SSBP2: variants seen among roughly 807,000 people sequenced by gnomAD.
The protein encoded by SSBP2 is single-stranded DNA-binding protein 2.
In SSBP2, 17 loss-of-function variants were observed where a neutral mutation model predicts 61.8. The ratio of observed to expected loss-of-function variants is 0.28; its 90% CI spans 0.19 to 0.41. The LOEUF (loss-of-function observed/expected upper bound fraction) is 0.41. Among genes scored for constraint, SSBP2 ranks in the 10% least tolerant of loss-of-function variants. SSBP2 has a pLI of 1.00. For synonymous variants in SSBP2, 139 were observed against 141.3 expected (o/e 0.98, Z 0.12); for missense variants, 310 against 458.7 (o/e 0.68, Z 2.96).
chr5:81,587,340 C>T (rs1775131073), intron 4 of SSBP2, among the ~76,000 whole-genome samples: 1 of 151,948 alleles, frequency 6.6e-6, no homozygotes, highest in Non-Finnish European at 1.5e-5. Flanking sequence ...TCTTTGTGTG[C>T]AAAATGGCAA....
At chr5:81,739,537 A>G (rs114196095) in intron 1 of SSBP2, among the ~76,000 whole-genome samples, 1,893 of 152,298 alleles carry the variant, frequency 0.012, 40 homozygotes, top group African/African-American at 0.043. Context: ...GTAGTGGCTG[A>G]TAGTGAGGCC....
At chr5:81,506,052 C>A (rs1015361023) in intron 5 of SSBP2, among the ~76,000 whole-genome samples, 1 of 152,062 alleles carries the variant, frequency 6.6e-6, no homozygotes, top group African/African-American at 2.4e-5. Context: ...TCAAGCTGGG[C>A]AGTTTTAATT....
intron 5 of SSBP2, among the ~76,000 whole-genome samples, chr5:81,506,818 A>ATATATATATAT (rs1768215887): frequency 6.6e-6 from 1 of 152,130 alleles, no homozygotes; most frequent in Non-Finnish European, 1.5e-5. Flanking sequence ...ACATTTAACC[A>ATATATATATAT]GGACTTATAA....
At chr5:81,551,295 A>C (rs979813671) in intron 4 of SSBP2, among the ~76,000 whole-genome samples, 1 of 152,100 alleles carries the variant, frequency 6.6e-6, no homozygotes, top group African/African-American at 2.4e-5. Context: ...TCTTAAGTAT[A>C]TGTATCTGCT....
intron 4 of SSBP2, among the ~76,000 whole-genome samples, chr5:81,549,848 G>A (rs375384867): frequency 3.3e-5 from 5 of 152,164 alleles, no homozygotes; most frequent in Non-Finnish European, 5.9e-5. Flanking sequence ...ATCATTTATC[G>A]ACTGCCTGTT....
chr5:81,719,473 T>G (rs952551695), intron 1 of SSBP2, among the ~76,000 whole-genome samples: 1 of 152,026 alleles, frequency 6.6e-6, no homozygotes, highest in African/African-American at 2.4e-5. Flanking sequence ...GGAATCACTG[T>G]GGGTGCCCAA....
intron 4 of SSBP2, among the ~76,000 whole-genome samples, chr5:81,609,412 T>C (rs1032839950): frequency 6.6e-6 from 1 of 152,184 alleles, no homozygotes; most frequent in Non-Finnish European, 1.5e-5. Flanking sequence ...ACCTATACAG[T>C]ATAGGGTTAT....
chr5:81,649,977 A>G (rs1749589743), intron 2 of SSBP2, among the ~76,000 whole-genome samples: 1 of 152,112 alleles, frequency 6.6e-6, no homozygotes, highest in East Asian at 1.9e-4. Context: ...CAAATTTTTT[A>G]GAGTAAATTT....
intron 4 of SSBP2, among the ~76,000 whole-genome samples, chr5:81,587,936 A>T (rs888009200): frequency 6.6e-6 from 1 of 152,120 alleles, no homozygotes; most frequent in Non-Finnish European, 1.5e-5. Context: ...TCTTAGTGCA[A>T]AACATCTTGG....
intron 4 of SSBP2, among the ~76,000 whole-genome samples, chr5:81,542,058 T>TA (rs1771315254): frequency 1.3e-5 from 2 of 151,948 alleles, no homozygotes. Flanking sequence ...GTAAGGACCT[T>TA]AAATGAACAA....
chr5:81,461,271 A>C (rs180836496), intron 9 of SSBP2, among the ~76,000 whole-genome samples, 168 bp from the exon 10 acceptor site: 57 of 152,124 alleles, frequency 3.7e-4, no homozygotes, highest in South Asian at 2.5e-3. Context: ...TATATTAATT[A>C]AGTCCCCCAA....
chr5:81,670,377 A>G (rs1165815287), intron 1 of SSBP2, among the ~76,000 whole-genome samples: 3 of 152,140 alleles, frequency 2.0e-5, no homozygotes, highest in Non-Finnish European at 4.4e-5. Flanking sequence ...CTACTCCTCT[A>G]TGCTTTTCTA....
intron 4 of SSBP2, among the ~76,000 whole-genome samples, chr5:81,595,950 C>G (rs1743698586): frequency 6.6e-6 from 1 of 152,190 alleles, no homozygotes; most frequent in Non-Finnish European, 1.5e-5. Flanking sequence ...TGGCACAAGA[C>G]AGGGATGCCC....
chr5:81,484,207 T>C (rs1414677573), intron 6 of SSBP2, among the ~76,000 whole-genome samples: 1 of 152,208 alleles, frequency 6.6e-6, no homozygotes, highest in East Asian at 1.9e-4. Flanking sequence ...ATTCTATGTA[T>C]TGACTTATCC....
At chr5:81,638,514 G>A (rs1290091379) in intron 2 of SSBP2, among the ~76,000 whole-genome samples, 9 of 149,388 alleles carry the variant, frequency 6.0e-5, no homozygotes, top group Non-Finnish European at 1.2e-4. Flanking sequence ...GCAAGACTCC[G>A]TCTCAGAGGG....
chr5:81,571,364 T>C (rs1773828737), intron 4 of SSBP2, among the ~76,000 whole-genome samples: 1 of 152,186 alleles, frequency 6.6e-6, no homozygotes, highest in Non-Finnish European at 1.5e-5. Context: ...TGGGCAAAAA[T>C]GCATTTTGCA....
intron 3 of SSBP2, among the ~76,000 whole-genome samples, chr5:81,625,330 T>C (rs1051305731): frequency 5.9e-5 from 9 of 152,136 alleles, no homozygotes; most frequent in Admixed American, 5.9e-4. Flanking sequence ...CAGAAAATTT[T>C]GAACCTCTAA....
chr5:81,414,961 T>A lies in SSBP2; in HGVS notation c.*5543A>T, dbSNP rs1437649361. 6.6e-6 allele frequency: 1 copy of A among 152,204 alleles called. No individual in the cohort carries two copies. The highest frequency in any genetic ancestry group is 1.5e-5 in the Non-Finnish European group (1 of 68,028). The allele number at this position is 152,204 out of a possible 1,614,324, so 9.4% of individuals were successfully genotyped here. ...ACACAGGTACACGCAACATATTTAG[T>A]ATGCAAAATGGAAGTATTATTAATA... On this transcript the variant is annotated 3_prime_UTR_variant, in exon 17 of 17. Coordinates refer to ENST00000320672, the MANE Select transcript of SSBP2 (RefSeq NM_012446.5).
At chr5:81,496,333 C>A (rs531142365) in intron 5 of SSBP2, among the ~76,000 whole-genome samples, 1 of 152,220 alleles carries the variant, frequency 6.6e-6, no homozygotes, top group South Asian at 2.1e-4. Context: ...GCATGTGCCA[C>A]CACGCCTGGC....
Sources: allele counts gnomAD v4.1 joint callset (sites outside exome capture counted in the v4.1 genomes callset), GRCh38; gene constraint gnomAD v4.1.1; transcripts MANE v1.5; gene names NCBI Gene and HGNC (gene_info 2026-07-23, HGNC 2026-07-21).